Variants in DOC2B observed in about 807,000 individuals in gnomAD.
The protein encoded by DOC2B is double C2-like domain-containing protein beta.
In DOC2B, 21 loss-of-function variants were observed where a neutral mutation model predicts 28.9. The observed-to-expected ratio is 0.73, with a 90% CI of 0.52 to 1.05. The LOEUF is 1.05. Among genes scored for constraint, DOC2B ranks in the 50% least tolerant of loss-of-function variants. The probability of loss-of-function intolerance (pLI) is 0.00; values close to 1 mark genes in which losing one functional copy is unlikely to be tolerated. For synonymous variants in DOC2B, 194 were observed against 178.1 expected (o/e 1.09, Z -0.71); for missense variants, 384 against 421.1 (o/e 0.91, Z 0.77).
rs1402895367 is a variant in DOC2B, at chr17:147,405, G to A, written c.*36C>T. The A allele has an allele frequency of 1.8e-5, 7 of 398,720 alleles. No homozygotes were observed. The highest frequency in any genetic ancestry group is 7.1e-5 in the East Asian group (2 of 28,092). The allele number at this position is 398,720 out of a possible 1,614,324, so 24.7% of individuals were successfully genotyped here. Reference sequence around the variant, plus strand: ...AAGCCCGGGGCCGGCCGTGCTGGGCGCAGGTGGCGGCAGGGGTAGCAGTGG... The same window carrying A: ...AAGCCCGGGGCCGGCCGTGCTGGGCACAGGTGGCGGCAGGGGTAGCAGTGG... On this transcript the variant is annotated 3_prime_UTR_variant, in exon 9 of 9. Transcript: ENST00000613549.
chr17:179,420 C>G (rs1373126601), intron 1 of DOC2B, among the ~76,000 whole-genome samples: 1 of 119,908 alleles, frequency 8.3e-6, no homozygotes, highest in African/African-American at 3.0e-5. Flanking sequence ...AAAGAAAAAG[C>G]CTCTTGGCCA....
At chr17:170,506 G>T (rs1034810824) in intron 2 of DOC2B, among the ~76,000 whole-genome samples, 1 of 152,060 alleles carries the variant, frequency 6.6e-6, no homozygotes, top group African/African-American at 2.4e-5. Context: ...GGGCCTGCAG[G>T]TTGGGAGGCT....
chr17:170,490 G>C (rs1345994021), intron 2 of DOC2B, among the ~76,000 whole-genome samples: 1 of 152,030 alleles, frequency 6.6e-6, no homozygotes, highest in African/African-American at 2.4e-5. Flanking sequence ...TGGGAGGAGG[G>C]GCAGGGGGCC....
At chr17:175,152 C>A (rs533667772) in intron 1 of DOC2B, among the ~76,000 whole-genome samples, 2 of 152,152 alleles carry the variant, frequency 1.3e-5, no homozygotes, top group African/African-American at 4.8e-5. Flanking sequence ...GTGGGAGGAC[C>A]GCTTGAGCCC....
At chr17:174,421 G>C (rs1315398364) in intron 1 of DOC2B, among the ~76,000 whole-genome samples, 1 of 152,158 alleles carries the variant, frequency 6.6e-6, no homozygotes, top group Non-Finnish European at 1.5e-5. Context: ...TCCCTATGGT[G>C]GGTTTTCTAG....
At chr17:179,921 T>TG (rs925041149) in intron 1 of DOC2B, among the ~76,000 whole-genome samples, 6 of 152,214 alleles carry the variant, frequency 3.9e-5, no homozygotes, top group Admixed American at 1.3e-4. Context: ...GGTGGGGCGA[T>TG]GGGGGGTCTG....
intron 6 of DOC2B, among the ~76,000 whole-genome samples, chr17:151,431 C>A (rs1439414223): frequency 2.6e-5 from 4 of 152,104 alleles, no homozygotes; most frequent in African/African-American, 7.2e-5. Flanking sequence ...CTCAAAAATT[C>A]AAAAATCTGA....
chr17:148,662 G>A lies in DOC2B; in HGVS notation c.1006-393C>T, dbSNP rs1035590596. ...CTCTGGAAGCATCTTGACCTCCCCT[G>A]CCTGCCTCTGGATCACTGGTGTGGT... is the stretch of plus-strand genomic sequence containing the variant. On this transcript the variant is annotated intron_variant, in intron 7 of 8. Transcript: ENST00000613549. Among the ~76,000 whole-genome samples, 160 of 152,220 alleles carry A rather than the reference G, an allele frequency of 1.1e-3. 1 individual carries two copies. The highest frequency in any genetic ancestry group is 3.7e-3 in the African/African-American group (155 of 41,540).
At chr17:175,108 C>A (rs896412725) in intron 1 of DOC2B, among the ~76,000 whole-genome samples, 1 of 152,188 alleles carries the variant, frequency 6.6e-6, no homozygotes, top group Non-Finnish European at 1.5e-5. Context: ...CATGGTGGCG[C>A]ATGCCTGTGG....
chr17:176,393 C>CA (rs1555524684), intron 1 of DOC2B, among the ~76,000 whole-genome samples: 2 of 65,018 alleles, frequency 3.1e-5, no homozygotes, highest in African/African-American at 4.3e-5. Context: ...GGTGTTGGTG[C>CA]GGGGGGTGCG....
chr17:154,858 T>C (rs539860078), intron 6 of DOC2B, among the ~76,000 whole-genome samples: 1 of 152,222 alleles, frequency 6.6e-6, no homozygotes, highest in South Asian at 2.1e-4. Context: ...GCCTCCCAAG[T>C]AGCTGCGATT....
rs2040012010 is a variant in DOC2B at position 145,465 on chromosome 17, A to G, written c.*1976T>C. 1 of 152,282 alleles carries G rather than the reference A, an allele frequency of 6.6e-6. No homozygotes were observed. Among genetic ancestry groups the G allele is most frequent in the Admixed American group, 6.5e-5 (1 of 15,288 alleles). 9.4% of individuals were successfully genotyped at this position (152,282 alleles called of 1,614,324 possible). A position where few individuals can be genotyped will look rare whatever the true frequency, so the allele number is the denominator to read the frequency against. ...AAACCCACCTTGCAGGGCTGTGAAC[A>G]TGCGTTCAGACCAGTGCATGCAAAA... is the stretch of plus-strand genomic sequence containing the variant. On this transcript the variant is annotated 3_prime_UTR_variant, in exon 9 of 9. Coordinates refer to ENST00000613549, the MANE Select transcript of DOC2B (RefSeq NM_003585.5).
In DOC2B at chr17:143,619, A is replaced by C. The variant is rs2039998760; in HGVS notation, c.*3822T>G. On this transcript the variant is annotated 3_prime_UTR_variant, in exon 9 of 9. Coordinates refer to ENST00000613549, the MANE Select transcript of DOC2B (RefSeq NM_003585.5). ...CACCTCGACCTCCAAAAGTGCTAGG[A>C]CTTACAGGCGTGAGCCACCGCCCCC... 1 of 152,130 alleles carries C rather than the reference A, an allele frequency of 6.6e-6. No individual in the cohort carries two copies. Among genetic ancestry groups the C allele is most frequent in the Non-Finnish European group, 1.5e-5 (1 of 68,034 alleles). 9.4% of individuals were successfully genotyped at this position (152,130 alleles called of 1,614,324 possible).
At chr17:165,857 G>C (rs2040257443) in intron 2 of DOC2B, among the ~76,000 whole-genome samples, 1 of 152,236 alleles carries the variant, frequency 6.6e-6, no homozygotes, top group South Asian at 2.1e-4. Context: ...CCTGACTGCT[G>C]TGTCTTATTC....
intron 6 of DOC2B, among the ~76,000 whole-genome samples, chr17:149,919 A>C (rs931978759): frequency 6.6e-6 from 1 of 152,230 alleles, no homozygotes; most frequent in African/African-American, 2.4e-5. Context: ...AGAGTTGTAC[A>C]TCCATCACCA....
chr17:162,573 C>T (rs913883562), intron 3 of DOC2B, among the ~76,000 whole-genome samples: 25 of 152,218 alleles, frequency 1.6e-4, no homozygotes, highest in African/African-American at 5.8e-4. Context: ...CTGTGGGCTC[C>T]CCGGGCTCCA....
intron 3 of DOC2B, chr17:163,864 C>CTTCTTATAAA: frequency 4.7e-6 from 2 of 424,436 alleles, no homozygotes; most frequent in African/African-American, 3.9e-5. Flanking sequence ...GGAAATTCTC[C>CTTCTTATAAA]AGGGGTTTCC....
chr17:143,976 G>T lies in DOC2B; in HGVS notation c.*3465C>A. On this transcript the variant is annotated 3_prime_UTR_variant, in exon 9 of 9. Transcript: ENST00000613549. The stretch of plus-strand genomic sequence containing the variant: ...ATGCACGGCCCGGGCTCGGCGGGCG[G>T]ACGGGCCGGGGCGCAGTTCCCCGCG... 6.5e-6 allele frequency: 1 copy of T among 152,682 alleles called. No individual in the cohort carries two copies. The highest frequency in any genetic ancestry group is 1.8e-4 in the South Asian group (1 of 5,460). 9.5% of individuals were successfully genotyped at this position (152,682 alleles called of 1,614,324 possible). A position where few individuals can be genotyped will look rare whatever the true frequency, so the allele number is the denominator to read the frequency against.
chr17:156,366 A>G lies in DOC2B; in HGVS notation c.777T>C (p.Thr259=), dbSNP rs2294076. 0.74 allele frequency: 1,154,783 copies of G among 1,550,850 alleles called. 432,188 individuals carry two copies. The highest frequency in any genetic ancestry group is 0.9 in the East Asian group (36,834 of 40,872). ...CLEKQLPVDK[T]EDKSLEERGR... is the part of the protein sequence containing the mutation. ...CCCGCTCCTCCAGGGACTTGTCTTC[A>G]GTCTTGTCCACCTGTTGGACGGGAC... Residue 259 remains threonine, a synonymous_variant, in exon 6 of 9, where the codon ACT becomes ACC. Transcript: ENST00000613549.
Sources: gnomAD v4.1 joint callset for allele counts (sites outside exome capture counted in the v4.1 genomes callset) on GRCh38, gnomAD v4.1.1 for gene constraint, MANE v1.5 for transcripts, NCBI Gene and HGNC (gene_info 2026-07-23, HGNC 2026-07-21) for gene names.